Variants in SNX24 observed in about 807,000 individuals in gnomAD.
The protein encoded by SNX24 is sorting nexin-24.
In SNX24, 22 loss-of-function variants were observed where a neutral mutation model predicts 28.7. The ratio of observed to expected loss-of-function variants is 0.77; its 90% CI spans 0.55 to 1.10. The LOEUF is 1.10. SNX24 is among the 50% of genes least tolerant of loss of function. The pLI is 0.00. For synonymous variants in SNX24, 69 were observed against 71.5 expected, an observed-to-expected ratio of 0.96 and a Z score of 0.18; for missense variants, 221 against 201.1, an observed-to-expected ratio of 1.10 and a Z score of -0.60.
At position 122,985,537 on chromosome 5, in the gene SNX24, GACCCATTAT is replaced by G. The variant is rs568206268; in HGVS notation, c.250-14373_250-14365del. 3.9e-3 allele frequency among the ~76,000 whole-genome samples: 589 copies of G among 152,268 alleles called. 1 individual carries two copies. Among genetic ancestry groups the G allele is most frequent in the Non-Finnish European group, 5.5e-3 (371 of 68,024 alleles). On this transcript the variant is annotated intron_variant, in intron 3 of 6. Transcript: ENST00000261369. Reference sequence around the variant, plus strand: ...TCAAAGGTAGTTGAGAGGATTAAGCGACCCATTATATGTGAGGCCACTTAGCAAGCCATA... The same window carrying G: ...TCAAAGGTAGTTGAGAGGATTAAGCGATGTGAGGCCACTTAGCAAGCCATA...
chr5:123,008,406 GA>G lies in SNX24; in HGVS notation c.*658del, dbSNP rs1165396566. 9.1e-6 allele frequency: 5 copies of G among 546,764 alleles called. No homozygotes were observed. In the African/African-American group the frequency reaches 1.0e-4, roughly 11 times the overall value. The allele number at this position is 546,764 out of a possible 1,614,324, so 33.9% of individuals were successfully genotyped here. A position where few individuals can be genotyped will look rare whatever the true frequency, so the allele number is the denominator to read the frequency against. ...GTACATAGGTAAAATGGGCTATTAG[GA>G]TGATCCTTGAAAGCCCTTTAGAAGG... On this transcript the variant is annotated 3_prime_UTR_variant, in exon 7 of 7. Coordinates refer to ENST00000261369, the MANE Select transcript of SNX24 (RefSeq NM_014035.4).
intron 1 of SNX24, among the ~76,000 whole-genome samples, chr5:122,863,543 G>A (rs1302092207): frequency 1.3e-5 from 2 of 149,666 alleles, no homozygotes; most frequent in Non-Finnish European, 3.0e-5. Context: ...TTTTTTTTGA[G>A]GTGGGAGGAG....
At chr5:122,951,287 AAG>A in intron 3 of SNX24, among the ~76,000 whole-genome samples, 1 of 150,582 alleles carries the variant, frequency 6.6e-6, no homozygotes, top group Non-Finnish European at 1.5e-5. Context: ...AAAAAAGAAA[AAG>A]AAAAGAAAAT....
chr5:122,920,013 T>C (rs1424578466), intron 1 of SNX24, among the ~76,000 whole-genome samples: 2 of 152,222 alleles, frequency 1.3e-5, no homozygotes, highest in African/African-American at 4.8e-5. Context: ...TTACAACGTT[T>C]AGAGGTGGGA....
intron 1 of SNX24, among the ~76,000 whole-genome samples, chr5:122,892,729 T>C (rs757222139): frequency 4.9e-5 from 7 of 144,316 alleles, no homozygotes; most frequent in Non-Finnish European, 1.1e-4. Flanking sequence ...TGAGCCACCG[T>C]GCCCAGCCCA....
chr5:122,871,565 C>T (rs763477338), intron 1 of SNX24, among the ~76,000 whole-genome samples: 1 of 151,992 alleles, frequency 6.6e-6, no homozygotes, highest in Non-Finnish European at 1.5e-5. Flanking sequence ...GTCAGGAGTT[C>T]GAGACCAGCC....
intron 2 of SNX24, among the ~76,000 whole-genome samples, chr5:122,942,587 C>T (rs1286480163): frequency 6.6e-6 from 1 of 152,082 alleles, no homozygotes; most frequent in South Asian, 2.1e-4. Context: ...GGAATAAGTT[C>T]TGTGTAAATT....
chr5:122,887,343 C>G (rs1756764091), intron 1 of SNX24, among the ~76,000 whole-genome samples: 1 of 152,164 alleles, frequency 6.6e-6, no homozygotes, highest in South Asian at 2.1e-4. Flanking sequence ...GATTTTCTCT[C>G]TAATAGTTTA....
downstream of SNX24, among the ~76,000 whole-genome samples, chr5:123,010,264 A>G (rs1762546856): frequency 6.6e-6 from 1 of 151,922 alleles, no homozygotes; most frequent in African/African-American, 2.4e-5. Context: ...TCTACAGCTC[A>G]GGAATGCACA....
intron 1 of SNX24, among the ~76,000 whole-genome samples, chr5:122,929,658 A>G (rs1462537444): frequency 6.6e-6 from 1 of 152,104 alleles, no homozygotes; most frequent in Non-Finnish European, 1.5e-5. Flanking sequence ...TTTTCTTGAC[A>G]GAGAAAGACA....
At chr5:122,991,607 G>A (rs1032672165) in intron 3 of SNX24, among the ~76,000 whole-genome samples, 3 of 152,004 alleles carry the variant, frequency 2.0e-5, no homozygotes, top group Non-Finnish European at 4.4e-5. Flanking sequence ...TCACAGGCAC[G>A]TGCCACCTCA....
At position 122,846,405 on chromosome 5, in the gene SNX24, T is replaced by C. The variant is rs80145418; in HGVS notation, c.60+712T>C. 3.6e-4 allele frequency among the ~76,000 whole-genome samples: 55 copies of C among 152,340 alleles called. 1 individual carries two copies. The East Asian group carries it at 5.2e-3, about 14-fold the overall frequency. ...ATTTCCCAATGAATTCAAAACATTC[T>C]TTCCTGGACAGTCATTGCTAGTGGG... is the stretch of plus-strand genomic sequence containing the variant. On this transcript the variant is annotated intron_variant, in intron 1 of 6. Transcript: ENST00000261369.
intron 1 of SNX24, among the ~76,000 whole-genome samples, chr5:122,870,809 A>G (rs1443371833): frequency 6.6e-6 from 1 of 152,202 alleles, no homozygotes; most frequent in Non-Finnish European, 1.5e-5. Flanking sequence ...GGGAGAAGGC[A>G]GGGAGTTTGA....
intron 1 of SNX24, among the ~76,000 whole-genome samples, chr5:122,900,727 C>CTACT (rs1757404087): frequency 6.6e-6 from 1 of 152,078 alleles, no homozygotes; most frequent in Non-Finnish European, 1.5e-5. Context: ...TGAGATCACA[C>CTACT]TACTGCACTC....
At chr5:123,001,109 A>G (rs563624796) in intron 4 of SNX24, among the ~76,000 whole-genome samples, 1 of 152,222 alleles carries the variant, frequency 6.6e-6, no homozygotes, top group Non-Finnish European at 1.5e-5. Context: ...ATTTTTTAGA[A>G]TAGACATTAG....
chr5:122,915,468 A>G (rs1758119241), intron 1 of SNX24, among the ~76,000 whole-genome samples: 1 of 152,072 alleles, frequency 6.6e-6, no homozygotes, highest in African/African-American at 2.4e-5. Flanking sequence ...TCTACAAAAG[A>G]GCAAATAAAT....
intron 3 of SNX24, among the ~76,000 whole-genome samples, chr5:122,963,626 A>G (rs1760576962): frequency 6.6e-6 from 1 of 152,152 alleles, no homozygotes; most frequent in Non-Finnish European, 1.5e-5. Context: ...TCCTTTAGAT[A>G]TTTTTGATTA....
chr5:122,975,247 A>G (rs1230742527), intron 3 of SNX24, among the ~76,000 whole-genome samples: 1 of 152,158 alleles, frequency 6.6e-6, no homozygotes, highest in African/African-American at 2.4e-5. Context: ...CCACAGTGTC[A>G]CCTAACTTTA....
chr5:122,997,823 C>G (rs1187002933), intron 3 of SNX24, among the ~76,000 whole-genome samples: 2 of 152,044 alleles, frequency 1.3e-5, no homozygotes, highest in Non-Finnish European at 2.9e-5. Context: ...CTGAAAGCAA[C>G]CACTTGTACA....
Sources: gnomAD v4.1 joint callset for allele counts (sites outside exome capture counted in the v4.1 genomes callset) on GRCh38, gnomAD v4.1.1 for gene constraint, MANE v1.5 for transcripts, NCBI Gene and HGNC (gene_info 2026-07-23, HGNC 2026-07-21) for gene names.